The following PPFIA2 variants were observed in gnomAD, a reference collection of about 807,000 sequenced individuals.
PPFIA2 encodes liprin-alpha-2.
Under a neutral mutation model 175.5 loss-of-function variants are expected in PPFIA2, and 46 were observed. The ratio of observed to expected loss-of-function variants is 0.26; its 90% CI spans 0.21 to 0.34. The LOEUF (loss-of-function observed/expected upper bound fraction) is 0.34, where lower values mean the gene tolerates loss of function less well. Ranked by LOEUF, PPFIA2 falls within the 10% of genes least tolerant of loss-of-function variation. The probability of loss-of-function intolerance (pLI) is 1.00; values close to 1 mark genes in which losing one functional copy is unlikely to be tolerated. For synonymous variants in PPFIA2, 568 were observed against 511.4 expected, an observed-to-expected ratio of 1.11 and a Z score of -1.49; for missense variants, 1,179 against 1,506.1, an observed-to-expected ratio of 0.78 and a Z score of 3.60.
At chr12:81,741,827 A>T (rs147184640) in intron 3 of PPFIA2, among the ~76,000 whole-genome samples, 1 of 152,310 alleles carries the variant, frequency 6.6e-6, no homozygotes, top group Non-Finnish European at 1.5e-5. Flanking sequence ...TATACACTAT[A>T]CTAGGTGGTT....
intron 5 of PPFIA2, among the ~76,000 whole-genome samples, chr12:81,445,986 A>T (rs1465435862): frequency 1.3e-5 from 2 of 152,236 alleles, no homozygotes; most frequent in African/African-American, 4.8e-5. Context: ...AAATGTAATA[A>T]TTTCAGTACG....
intron 4 of PPFIA2, among the ~76,000 whole-genome samples, chr12:81,520,829 G>T (rs957310967): frequency 1.3e-5 from 2 of 152,166 alleles, no homozygotes; most frequent in Non-Finnish European, 2.9e-5. Context: ...CAGTGACAGT[G>T]CATGTGTCAA....
intron 4 of PPFIA2, among the ~76,000 whole-genome samples, chr12:81,620,680 G>T (rs1184064815): frequency 6.6e-6 from 1 of 152,188 alleles, no homozygotes; most frequent in African/African-American, 2.4e-5. Context: ...AATGCAATGG[G>T]ATGCATTTGT....
intron 4 of PPFIA2, among the ~76,000 whole-genome samples, chr12:81,651,111 T>C (rs1273658783): frequency 6.6e-6 from 1 of 152,158 alleles, no homozygotes; most frequent in Non-Finnish European, 1.5e-5. Flanking sequence ...ATTTGAGGAA[T>C]CTGGCTATAT....
At position 81,341,125 on chromosome 12, in the gene PPFIA2, G is replaced by A; in HGVS notation, c.2346C>T (p.Leu782=). The change falls in exon 20 of 33, where the codon CTC becomes CTT. Residue 782 remains leucine (L), a synonymous_variant. Coordinates refer to ENST00000549396, the MANE Select transcript of PPFIA2 (RefSeq NM_003625.5). ...ETSPPPTPRA[L]RMTHTLPSSY... ...AAGAAGGGAGAGTGTGAGTCATTCT[G>A]AGGGCTCTAGGGGTAGGAGGAGGAG... 1.2e-6 allele frequency: 2 copies of A among 1,611,436 alleles called. No homozygotes were observed. The highest frequency in any genetic ancestry group is 1.7e-6 in the Non-Finnish European group (2 of 1,178,012).
chr12:81,311,257 A>C (rs1167672207), intron 22 of PPFIA2, among the ~76,000 whole-genome samples: 2 of 152,248 alleles, frequency 1.3e-5, no homozygotes, highest in Non-Finnish European at 2.9e-5. Flanking sequence ...TTTAGAAATC[A>C]ACCAGTAGTA....
At chr12:81,439,657 T>C (rs1206649643) in intron 7 of PPFIA2, among the ~76,000 whole-genome samples, 1 of 152,168 alleles carries the variant, frequency 6.6e-6, no homozygotes, top group Non-Finnish European at 1.5e-5. Flanking sequence ...TTATTTGATA[T>C]GTGTTCCAAT....
intron 3 of PPFIA2, among the ~76,000 whole-genome samples, chr12:81,691,457 A>G (rs1175413861): frequency 6.6e-6 from 1 of 152,102 alleles, no homozygotes; most frequent in East Asian, 1.9e-4. Context: ...GCCTTAAAGT[A>G]TCCTCTTTCA....
At chr12:81,482,668 A>G (rs1270690005) in intron 4 of PPFIA2, among the ~76,000 whole-genome samples, 2 of 152,198 alleles carry the variant, frequency 1.3e-5, no homozygotes, top group Non-Finnish European at 2.9e-5. Flanking sequence ...GTTCTCACTC[A>G]TAACGGGGAG....
chr12:81,603,261 G>A (rs1290255283), intron 4 of PPFIA2, among the ~76,000 whole-genome samples: 2 of 151,732 alleles, frequency 1.3e-5, no homozygotes, highest in African/African-American at 2.4e-5. Flanking sequence ...ACCCTAATTT[G>A]TCTCCATTCT....
intron 4 of PPFIA2, among the ~76,000 whole-genome samples, chr12:81,484,152 C>T (rs530123394): frequency 6.6e-6 from 1 of 151,878 alleles, no homozygotes; most frequent in East Asian, 1.9e-4. Flanking sequence ...TTTTTCTGCC[C>T]TATGAAAGAC....
At chr12:81,447,745 G>C (rs970118274) in intron 5 of PPFIA2, among the ~76,000 whole-genome samples, 5 of 152,118 alleles carry the variant, frequency 3.3e-5, no homozygotes, top group African/African-American at 1.2e-4. Context: ...CTGGATTTGG[G>C]TGTTAGCTCA....
chr12:81,290,061 G>T (rs2044500713), intron 24 of PPFIA2, among the ~76,000 whole-genome samples: 1 of 151,454 alleles, frequency 6.6e-6, no homozygotes, highest in South Asian at 2.1e-4. Flanking sequence ...TAAAGTAGTA[G>T]AATAAATAAA....
chr12:81,314,625 C>G (rs2051852390), intron 22 of PPFIA2, among the ~76,000 whole-genome samples: 1 of 151,826 alleles, frequency 6.6e-6, no homozygotes, highest in South Asian at 2.1e-4. Flanking sequence ...TTTTCAGTTT[C>G]CTCACCTTGA....
At chr12:81,372,566 G>C (rs1356175699) in intron 11 of PPFIA2, among the ~76,000 whole-genome samples, 4 of 137,154 alleles carry the variant, frequency 2.9e-5, no homozygotes, top group Non-Finnish European at 6.4e-5. Context: ...CTTGAGAACA[G>C]AGTACAAGAA....
At chr12:81,458,401 T>G (rs2053962373) in intron 4 of PPFIA2, among the ~76,000 whole-genome samples, 1 of 152,148 alleles carries the variant, frequency 6.6e-6, no homozygotes, top group Admixed American at 6.6e-5. Flanking sequence ...TAGCATTATC[T>G]AAGATTTTCT....
At chr12:81,527,036 G>A (rs761589623) in intron 4 of PPFIA2, among the ~76,000 whole-genome samples, 51 of 152,164 alleles carry the variant, frequency 3.4e-4, no homozygotes, top group Admixed American at 2.0e-3. Flanking sequence ...TAATTGTAAA[G>A]TGGTGATGGC....
chr12:81,724,351 G>A (rs1208682304), intron 3 of PPFIA2, among the ~76,000 whole-genome samples: 1 of 150,552 alleles, frequency 6.6e-6, no homozygotes, highest in African/African-American at 2.4e-5. Flanking sequence ...TAAATTTAGG[G>A]GGTACAAATG....
At chr12:81,283,460 T>C (rs974790954) in intron 25 of PPFIA2, among the ~76,000 whole-genome samples, 2 of 152,000 alleles carry the variant, frequency 1.3e-5, no homozygotes, top group African/African-American at 4.8e-5. Context: ...CAAAGCTTTG[T>C]GATAATCAAA....
Sources: allele counts gnomAD v4.1 joint callset (sites outside exome capture counted in the v4.1 genomes callset), GRCh38; gene constraint gnomAD v4.1.1; transcripts MANE v1.5; gene names NCBI Gene and HGNC (gene_info 2026-07-23, HGNC 2026-07-21).